LRRC49: variants seen among roughly 807,000 people sequenced by gnomAD.
LRRC49 encodes leucine-rich repeat-containing protein 49.
In LRRC49, 50 loss-of-function variants were observed where a neutral mutation model predicts 83.3. That is an observed-to-expected ratio of 0.60 (90% CI 0.48 to 0.76). The LOEUF is 0.76. Ranked by LOEUF, LRRC49 falls within the 30% of genes least tolerant of loss-of-function variation. The probability of loss-of-function intolerance (pLI) is 0.00; values close to 1 mark genes in which losing one functional copy is unlikely to be tolerated. For synonymous variants in LRRC49, 286 were observed against 283.3 expected (o/e 1.01, Z -0.10); for missense variants, 704 against 809.1 (o/e 0.87, Z 1.58).
rs932601176 is a variant in LRRC49, at chr15:70,859,120, G to A, written c.-299+5651G>A. ...AGCAGAAGATGGCTCGGAACAACAA[G>A]AACAACATGTTCCAGAGCTATATCA... On this transcript the variant is annotated intron_variant, in intron 1 of 16. Coordinates refer to the LRRC49 transcript ENST00000544974. 2.2e-5 allele frequency: 31 copies of A among 1,382,104 alleles called. No individual in the cohort carries two copies. The Admixed American group carries it at 5.2e-4, about 23-fold the overall frequency. The allele number at this position is 1,382,104 out of a possible 1,614,324, so 85.6% of individuals were successfully genotyped here. A position where few individuals can be genotyped will look rare whatever the true frequency, so the allele number is the denominator to read the frequency against.
chr15:70,948,177 T>A (rs1596054694), intron 8 of LRRC49, among the ~76,000 whole-genome samples: 1 of 152,056 alleles, frequency 6.6e-6, no homozygotes, highest in African/African-American at 2.4e-5. Flanking sequence ...GCCATCTGTC[T>A]GCCTGACCTA....
intron 1 of LRRC49, among the ~76,000 whole-genome samples, chr15:70,863,256 C>T (rs1343728139): frequency 6.6e-6 from 1 of 152,188 alleles, no homozygotes; most frequent in Non-Finnish European, 1.5e-5. Flanking sequence ...TCTGAAGATA[C>T]AGCCTAGAAA....
chr15:70,922,654 A>G (rs1567053784), intron 7 of LRRC49, among the ~76,000 whole-genome samples: 1 of 152,038 alleles, frequency 6.6e-6, no homozygotes, highest in Non-Finnish European at 1.5e-5. Context: ...TTAATTGTGT[A>G]TTTTAAAATA....
At chr15:70,905,564 G>C (rs1000559117) in intron 5 of LRRC49, among the ~76,000 whole-genome samples, 3 of 152,134 alleles carry the variant, frequency 2.0e-5, no homozygotes, top group Admixed American at 6.5e-5. Flanking sequence ...CAAGAGAAAA[G>C]CATTAACAAT....
chr15:70,891,565 C>CTGTGTGTGTGTGTG (rs1491474980), upstream of LRRC49, among the ~76,000 whole-genome samples: 4 of 118,952 alleles, frequency 3.4e-5, no homozygotes, highest in Non-Finnish European at 7.3e-5. Context: ...CAGGACAAGA[C>CTGTGTGTGTGTGTG]TCTGTGTGTG....
chr15:71,033,332 A>T (rs1006122239), intron 14 of LRRC49, among the ~76,000 whole-genome samples: 3 of 152,076 alleles, frequency 2.0e-5, no homozygotes, highest in Admixed American at 2.0e-4. Context: ...TTCAAGGAGA[A>T]CTGCTTGTTC....
intron 8 of LRRC49, among the ~76,000 whole-genome samples, chr15:70,959,790 G>A (rs1010329415): frequency 6.6e-6 from 1 of 152,144 alleles, no homozygotes; most frequent in Admixed American, 6.5e-5. Flanking sequence ...ACACAATACT[G>A]AAGAAAAAGT....
intron 9 of LRRC49, among the ~76,000 whole-genome samples, chr15:70,972,851 T>G (rs2037060507): frequency 6.6e-6 from 1 of 152,118 alleles, no homozygotes; most frequent in Non-Finnish European, 1.5e-5. Context: ...ATTTATGTTC[T>G]TCTCTAAACT....
intron 3 of LRRC49, among the ~76,000 whole-genome samples, chr15:70,898,881 C>T (rs1218838675): frequency 2.6e-5 from 4 of 151,886 alleles, no homozygotes; most frequent in Non-Finnish European, 4.4e-5. Flanking sequence ...TATTTATATA[C>T]CCACATATAT....
At chr15:71,032,594 T>C (rs1327508019) in intron 14 of LRRC49, among the ~76,000 whole-genome samples, 1 of 152,086 alleles carries the variant, frequency 6.6e-6, no homozygotes, top group Non-Finnish European at 1.5e-5. Context: ...CTGATGATCA[T>C]TAATACAAAA....
At chr15:71,012,757 T>C (rs1273988006) in intron 13 of LRRC49, 47 bp from the exon 14 acceptor site, 2 of 1,016,342 alleles carry the variant, frequency 2.0e-6, no homozygotes, top group Non-Finnish European at 3.1e-6. Context: ...TTTATTCAGC[T>C]AAGAGTTGGT....
chr15:70,923,668 G>T (rs913715203), intron 7 of LRRC49, among the ~76,000 whole-genome samples: 1 of 151,486 alleles, frequency 6.6e-6, no homozygotes, highest in Non-Finnish European at 1.5e-5. Flanking sequence ...TTTTTAATTT[G>T]ATATAATTTC....
chr15:70,913,465 G>A (rs578116720), intron 6 of LRRC49, among the ~76,000 whole-genome samples: 2 of 152,234 alleles, frequency 1.3e-5, no homozygotes, highest in South Asian at 4.1e-4. Flanking sequence ...CCAACAGAGG[G>A]GAAGTTATCC....
At chr15:70,896,822 G>T (rs957751269) in intron 3 of LRRC49, among the ~76,000 whole-genome samples, 2 of 151,952 alleles carry the variant, frequency 1.3e-5, no homozygotes, top group African/African-American at 4.8e-5. Context: ...TTTATTTCTG[G>T]ACCTACTTCT....
intron 2 of LRRC49, among the ~76,000 whole-genome samples, chr15:70,885,242 C>T (rs2033374771): frequency 6.6e-6 from 1 of 151,992 alleles, no homozygotes; most frequent in East Asian, 1.9e-4. Context: ...ATAGAAAATA[C>T]AGAAAATGTC....
intron 3 of LRRC49, among the ~76,000 whole-genome samples, chr15:70,898,773 A>G (rs2033944404): frequency 6.6e-6 from 1 of 152,176 alleles, no homozygotes; most frequent in Non-Finnish European, 1.5e-5. Context: ...TGACAGAGCA[A>G]GACCCTGTCT....
chr15:70,872,578 A>G (rs965254007), intron 1 of LRRC49, among the ~76,000 whole-genome samples: 1 of 152,218 alleles, frequency 6.6e-6, no homozygotes, highest in Non-Finnish European at 1.5e-5. Context: ...GACTGGGTTT[A>G]GAAGCTTGAG....
rs1244381975 is a variant in LRRC49, at chr15:71,049,791, A to G, written c.*179A>G. Reference sequence around the variant, plus strand: ...TTAAGAAGGAAGGAAGGAAAGCAGGAGAAAGGAAGGATTAATTGCCTGTAT... The same window carrying G: ...TTAAGAAGGAAGGAAGGAAAGCAGGGGAAAGGAAGGATTAATTGCCTGTAT... On this transcript the variant is annotated 3_prime_UTR_variant, in exon 16 of 16. Transcript: ENST00000260382. 5 of 549,860 alleles carry G rather than the reference A, an allele frequency of 9.1e-6. No homozygotes were observed. Among genetic ancestry groups the G allele is most frequent in the Non-Finnish European group, 1.6e-5 (5 of 315,486 alleles). The allele number at this position is 549,860 out of a possible 1,614,324, so 34.1% of individuals were successfully genotyped here.
At position 70,895,887 on chromosome 15, in the gene LRRC49, C is replaced by T. The variant is rs374942895; in HGVS notation, c.144C>T (p.Pro48=). 78 of 1,611,258 alleles carry T rather than the reference C, an allele frequency of 4.8e-5. No homozygotes were observed. Among genetic ancestry groups the T allele is most frequent in the Middle Eastern group, 3.3e-4 (2 of 6,048 alleles). ...TAAATAAAGACACATCGTCATTCCC[C>T]GGTAGACTTTTACAACATGACCTTG... is the stretch of plus-strand genomic sequence containing the variant. The part of the protein sequence containing the change: ...FKLNKDTSSF[P]GRLLQHDLER... Residue 48 remains proline, a synonymous_variant, in exon 3 of 16, where the codon CCC becomes CCT. Coordinates refer to ENST00000260382, the MANE Select transcript of LRRC49 (RefSeq NM_017691.5).
Sources: gnomAD v4.1 joint callset for allele counts (sites outside exome capture counted in the v4.1 genomes callset) on GRCh38, gnomAD v4.1.1 for gene constraint, MANE v1.5 for transcripts, NCBI Gene and HGNC (gene_info 2026-07-23, HGNC 2026-07-21) for gene names.